Variants in GRK5 observed in about 807,000 individuals in gnomAD.
GRK5 encodes g protein-coupled receptor kinase GRK5.
GRK5 carries 40 observed loss-of-function variants against 78.4 expected under a neutral mutation model. That is an observed-to-expected ratio of 0.51 (90% confidence interval 0.40 to 0.66). The LOEUF is 0.66. Among genes scored for constraint, GRK5 ranks in the 30% least tolerant of loss-of-function variants. GRK5 has a pLI of 0.00. For synonymous variants in GRK5, 289 were observed against 296.8 expected (o/e 0.97, Z 0.27); for missense variants, 598 against 759.9 (o/e 0.79, Z 2.50).
chr10:119,291,196 G>C (rs565882323), intron 1 of GRK5, among the ~76,000 whole-genome samples: 2 of 152,150 alleles, frequency 1.3e-5, no homozygotes, highest in Non-Finnish European at 2.9e-5. Flanking sequence ...TTCATGTTTC[G>C]TGTAGACTGA....
chr10:119,284,665 G>A (rs890834837), intron 1 of GRK5, among the ~76,000 whole-genome samples: 3 of 152,216 alleles, frequency 2.0e-5, no homozygotes, highest in Non-Finnish European at 4.4e-5. Context: ...GTCAGTGGGT[G>A]AATATTGGGA....
rs528790293 is a variant in GRK5, at chr10:119,406,699, C to T, written c.339+9927C>T. 6.6e-5 allele frequency among the ~76,000 whole-genome samples: 10 copies of T among 152,360 alleles called. No homozygotes were observed. The East Asian group carries it at 1.9e-3, about 29-fold the overall frequency. On this transcript the variant is annotated intron_variant, in intron 4 of 15. Coordinates refer to ENST00000392870, the MANE Select transcript of GRK5 (RefSeq NM_005308.3). ...GGCCATCTACCAGCATTTCCAGCTT[C>T]CTGTCACAGCCTTGCGTACAGGCTG...
intron 1 of GRK5, among the ~76,000 whole-genome samples, chr10:119,307,549 C>T (rs1377281753): frequency 1.3e-5 from 2 of 152,114 alleles, no homozygotes; most frequent in African/African-American, 4.8e-5. Context: ...TGAATTGAGC[C>T]AAGGAATAGA....
intron 2 of GRK5, among the ~76,000 whole-genome samples, chr10:119,361,891 G>T (rs1041118784): frequency 1.4e-5 from 2 of 147,234 alleles, no homozygotes; most frequent in African/African-American, 5.0e-5. Flanking sequence ...AACCTGGGAG[G>T]TGGAGGTTGC....
At position 119,424,969 on chromosome 10, in the gene GRK5, A is replaced by G. The variant is rs926025636; in HGVS notation, c.441-24A>G. 5 of 1,510,188 alleles carry G rather than the reference A, an allele frequency of 3.3e-6. No homozygotes were observed. In the African/African-American group the frequency reaches 4.1e-5, roughly 12 times the overall value. The allele number at this position is 1,510,188 out of a possible 1,614,324, so 93.5% of individuals were successfully genotyped here. On this transcript the variant is annotated intron_variant, in intron 5 of 15. Transcript: ENST00000392870. The stretch of plus-strand genomic sequence containing the variant: ...TGAAGATCGGGATTATAAAATGTTC[A>G]TCCTCTTGTTCCATCTGCACTAGGT...
rs1305257522 is a variant in GRK5 at position 119,412,348 on chromosome 10, G to A, written c.340-10818G>A. 1.3e-5 allele frequency among the ~76,000 whole-genome samples: 2 copies of A among 152,198 alleles called. No individual in the cohort carries two copies. Among genetic ancestry groups the A allele is most frequent in the Admixed American group, 1.3e-4 (2 of 15,290 alleles). ...CGGTGCCCGGGCCGTGCAGTCCATC[G>A]CCTGGGCTGACCACGAGGACACCCC... On this transcript the variant is annotated intron_variant, in intron 4 of 15. Transcript: ENST00000392870. This position sits in a 1 kb window ranked among gnomAD's most constrained non-coding sequence, Gnocchi z 4.3.
intron 12 of GRK5, 131 bp downstream of exon 12, chr10:119,443,883 C>A: frequency 1.3e-6 from 1 of 766,362 alleles, no homozygotes; most frequent in Non-Finnish European, 2.1e-6. Context: ...GGGGTTGCAG[C>A]CCACCAAGCT....
intron 1 of GRK5, among the ~76,000 whole-genome samples, chr10:119,309,477 A>G (rs1346769026): frequency 6.6e-6 from 1 of 152,000 alleles, no homozygotes; most frequent in Non-Finnish European, 1.5e-5. Flanking sequence ...GGTCCTTTCA[A>G]CCCCCAGGTC....
chr10:119,360,104 CGAGGGAATCT>C (rs910236833), intron 2 of GRK5, among the ~76,000 whole-genome samples: 1 of 128,834 alleles, frequency 7.8e-6, no homozygotes, highest in Non-Finnish European at 1.6e-5. Flanking sequence ...CTGAGGAGGC[CGAGGGAATCT>C]GAGGGAGGCA....
intron 1 of GRK5, among the ~76,000 whole-genome samples, chr10:119,263,978 A>T (rs1025825294): frequency 6.6e-6 from 1 of 152,170 alleles, no homozygotes; most frequent in Non-Finnish European, 1.5e-5. Context: ...AACCTTGTTG[A>T]TAACTAATTG....
intron 2 of GRK5, among the ~76,000 whole-genome samples, chr10:119,354,552 C>T (rs992373160): frequency 9.9e-5 from 15 of 152,130 alleles, no homozygotes; most frequent in African/African-American, 3.6e-4. Flanking sequence ...CAGGTGTACA[C>T]CGCCATGCCT....
chr10:119,207,877 C>T lies in GRK5; in HGVS notation c.-41C>T, dbSNP rs1467259333. 2 of 1,567,930 alleles carry T rather than the reference C, an allele frequency of 1.3e-6. No homozygotes were observed. Among genetic ancestry groups the T allele is most frequent in the Non-Finnish European group, 1.7e-6 (2 of 1,158,778 alleles). ...GCAGCGGCAGCACCCCAGGCGCTGACAGCCCCGCCGGCCGGCTCCGTTGCT... is the reference window on the plus strand; with the variant it reads ...GCAGCGGCAGCACCCCAGGCGCTGATAGCCCCGCCGGCCGGCTCCGTTGCT... On this transcript the variant is annotated 5_prime_UTR_variant, in exon 1 of 16. Coordinates refer to ENST00000392870, the MANE Select transcript of GRK5 (RefSeq NM_005308.3).
intron 1 of GRK5, among the ~76,000 whole-genome samples, chr10:119,221,279 A>T (rs1163085183): frequency 6.6e-6 from 1 of 152,220 alleles, no homozygotes; most frequent in Admixed American, 6.5e-5. Flanking sequence ...GTTTTCCCAA[A>T]TCTCTGTATA....
At chr10:119,234,692 T>A (rs180851804) in intron 1 of GRK5, among the ~76,000 whole-genome samples, 48 of 152,236 alleles carry the variant, frequency 3.2e-4, no homozygotes, top group Non-Finnish European at 4.7e-4. Context: ...TTTCTTCTTT[T>A]CTTTTCTTAT....
chr10:119,270,927 C>T (rs1183151115), intron 1 of GRK5, among the ~76,000 whole-genome samples: 4 of 152,204 alleles, frequency 2.6e-5, no homozygotes, highest in Admixed American at 2.6e-4. Flanking sequence ...ATGCTGGGCC[C>T]CTGGCGGAAC....
At chr10:119,226,241 G>C (rs563518396) in intron 1 of GRK5, among the ~76,000 whole-genome samples, 14 of 150,960 alleles carry the variant, frequency 9.3e-5, no homozygotes, top group Admixed American at 4.0e-4. Flanking sequence ...GCTCCCCAAA[G>C]AGCTGGGATT....
chr10:119,215,281 C>A (rs941132906), intron 1 of GRK5, among the ~76,000 whole-genome samples: 2 of 152,170 alleles, frequency 1.3e-5, no homozygotes, highest in Non-Finnish European at 2.9e-5. Context: ...GCATATAGAA[C>A]ATTCCCATCA....
At chr10:119,237,469 G>A (rs918177163) in intron 1 of GRK5, among the ~76,000 whole-genome samples, 1 of 152,094 alleles carries the variant, frequency 6.6e-6, no homozygotes, top group Non-Finnish European at 1.5e-5. Context: ...ATTTCAATAG[G>A]CACTGATTTT....
intron 9 of GRK5, among the ~76,000 whole-genome samples, chr10:119,439,051 G>A (rs1852980560): frequency 6.6e-6 from 1 of 152,238 alleles, no homozygotes; most frequent in African/African-American, 2.4e-5. Flanking sequence ...CCTCTTGGCT[G>A]TTCTTTTACC....
Sources: gnomAD v4.1 joint callset for allele counts (sites outside exome capture counted in the v4.1 genomes callset) on GRCh38, gnomAD v4.1.1 for gene constraint, Gnocchi (gnomAD v3.1) non-coding constraint, MANE v1.5 for transcripts, NCBI Gene and HGNC (gene_info 2026-07-23, HGNC 2026-07-21) for gene names.